CPE: variants seen among roughly 807,000 people sequenced by gnomAD.
CPE encodes carboxypeptidase E.
Under a neutral mutation model 53.5 loss-of-function variants are expected in CPE, and 17 were observed. The ratio of observed to expected loss-of-function variants is 0.32; its 90% confidence interval spans 0.22 to 0.48. The LOEUF (loss-of-function observed/expected upper bound fraction) is 0.48, where lower values mean the gene tolerates loss of function less well. CPE is among the 20% of genes least tolerant of loss of function. CPE has a pLI of 0.99. For synonymous variants in CPE, 226 were observed against 228.8 expected (o/e 0.99, Z 0.11); for missense variants, 524 against 614.7 (o/e 0.85, Z 1.56).
At chr4:165,470,384 T>A (rs1212661624) in intron 3 of CPE, among the ~76,000 whole-genome samples, 1 of 152,144 alleles carries the variant, frequency 6.6e-6, no homozygotes, top group Non-Finnish European at 1.5e-5. Flanking sequence ...TCACAGTGTG[T>A]TTATCGAAGT....
chr4:165,397,682 A>C (rs1459648799), intron 1 of CPE, among the ~76,000 whole-genome samples: 1 of 152,158 alleles, frequency 6.6e-6, no homozygotes, highest in Non-Finnish European at 1.5e-5. Context: ...TCATCAGATA[A>C]AACAGGATTA....
chr4:165,434,732 T>C (rs9999387), intron 1 of CPE, among the ~76,000 whole-genome samples: 90 of 152,234 alleles, frequency 5.9e-4, no homozygotes, highest in African/African-American at 2.1e-3. Flanking sequence ...GCTACCACAA[T>C]ACCTGGTAGT....
At chr4:165,425,713 A>C (rs1283890978) in intron 1 of CPE, among the ~76,000 whole-genome samples, 1 of 152,048 alleles carries the variant, frequency 6.6e-6, no homozygotes, top group East Asian at 1.9e-4. Context: ...TTTTAGAAGT[A>C]GTTCTCAAAT....
intron 1 of CPE, chr4:165,405,950 T>A: frequency 1.4e-6 from 1 of 731,494 alleles, no homozygotes; most frequent in East Asian, 2.6e-5. Context: ...CTTTATGGAC[T>A]TTTCAAGTTT....
At chr4:165,483,503 C>T (rs74474403) in intron 4 of CPE, among the ~76,000 whole-genome samples, 1 of 152,176 alleles carries the variant, frequency 6.6e-6, no homozygotes, top group South Asian at 2.1e-4. Flanking sequence ...TGGATGCATA[C>T]TCAGTAGTGG....
rs1279633095 is a variant in CPE at position 165,498,382 on chromosome 4, A to G, written c.*772A>G. On this transcript the variant is annotated 3_prime_UTR_variant, in exon 9 of 9. Transcript: ENST00000402744. ...GGCATTGTGGTCTTATGATGAAAAC[A>G]TGTATCCTCTTAATGGCGGCTTCTC... 1.3e-5 allele frequency: 2 copies of G among 152,178 alleles called. No homozygotes were observed. The highest frequency in any genetic ancestry group is 4.8e-5 in the African/African-American group (2 of 41,442). 9.4% of individuals were successfully genotyped at this position (152,178 alleles called of 1,614,324 possible).
chr4:165,388,296 T>A (rs761228929), intron 1 of CPE, among the ~76,000 whole-genome samples: 4 of 152,160 alleles, frequency 2.6e-5, no homozygotes, highest in Non-Finnish European at 5.9e-5. Flanking sequence ...TTTCCTTTTC[T>A]TTTTTTAGCC....
chr4:165,446,068 A>T (rs1166708882), intron 1 of CPE, among the ~76,000 whole-genome samples: 1 of 152,188 alleles, frequency 6.6e-6, no homozygotes, highest in Non-Finnish European at 1.5e-5. Context: ...CCACAAATTC[A>T]CACCATGTAT....
chr4:165,421,239 T>C (rs1395142458), intron 1 of CPE, among the ~76,000 whole-genome samples: 1 of 152,100 alleles, frequency 6.6e-6, no homozygotes, highest in Admixed American at 6.5e-5. Context: ...GGATTTGGAG[T>C]CTTCGTTGCT....
chr4:165,484,302 T>G, intron 4 of CPE, 120 bp from the exon 5 acceptor site: 1 of 919,478 alleles, frequency 1.1e-6, no homozygotes, highest in Admixed American at 2.6e-5. Flanking sequence ...TTTCCCATAG[T>G]TATGTAGCTA....
At chr4:165,453,971 C>T (rs940389580) in intron 1 of CPE, among the ~76,000 whole-genome samples, 1 of 111,358 alleles carries the variant, frequency 9.0e-6, no homozygotes. Flanking sequence ...TTCACAAAAG[C>T]TAGAATTTTT....
chr4:165,493,758 A>G (rs1472042377), intron 7 of CPE, among the ~76,000 whole-genome samples: 1 of 152,210 alleles, frequency 6.6e-6, no homozygotes, highest in African/African-American at 2.4e-5. Flanking sequence ...ATAAATCCGC[A>G]GGGATTCAAG....
intron 3 of CPE, among the ~76,000 whole-genome samples, chr4:165,469,316 T>G (rs561264512): frequency 6.6e-6 from 1 of 152,320 alleles, no homozygotes; most frequent in Admixed American, 6.5e-5. Flanking sequence ...GTCCCCTACA[T>G]GTAGTGTCTT....
rs1447773588 is a variant in CPE at position 165,497,696 on chromosome 4, A to C, written c.*86A>C. ...CTTTTTTTTAGATTTTGTGCAGTTAATACTTAACATTGATTTATTTTTTAA... is the reference window on the plus strand; with the variant it reads ...CTTTTTTTTAGATTTTGTGCAGTTACTACTTAACATTGATTTATTTTTTAA... On this transcript the variant is annotated 3_prime_UTR_variant, in exon 9 of 9. Transcript: ENST00000402744. 1.8e-6 allele frequency: 1 copy of C among 552,606 alleles called. No individual in the cohort carries two copies. The highest frequency in any genetic ancestry group is 2.9e-6 in the Non-Finnish European group (1 of 349,084). The allele number at this position is 552,606 out of a possible 1,614,324, so 34.2% of individuals were successfully genotyped here.
intron 1 of CPE, among the ~76,000 whole-genome samples, chr4:165,425,673 C>A (rs1731304690): frequency 7.0e-6 from 1 of 143,592 alleles, no homozygotes; most frequent in Admixed American, 6.9e-5. Flanking sequence ...AAAAAAAAAA[C>A]ACTTAATTCC....
rs1033109708 is a variant in CPE, at chr4:165,385,984, C to T, written c.307+6456C>T. ...TGCTGGGGCTCTTTCTTTATGCTTCCATATTTCTTTGGAGAGCTGTAAAGA... is the reference window on the plus strand; with the variant it reads ...TGCTGGGGCTCTTTCTTTATGCTTCTATATTTCTTTGGAGAGCTGTAAAGA... On this transcript the variant is annotated intron_variant, in intron 1 of 8. Transcript: ENST00000402744. Among the ~76,000 whole-genome samples, 15 of 152,202 alleles carry T rather than the reference C, an allele frequency of 9.9e-5. No individual in the cohort carries two copies. The East Asian group carries it at 2.1e-3, about 22-fold the overall frequency.
At chr4:165,493,480 G>C (rs947962804) in intron 7 of CPE, among the ~76,000 whole-genome samples, 10 of 152,208 alleles carry the variant, frequency 6.6e-5, no homozygotes, top group African/African-American at 2.4e-4. Flanking sequence ...TAGAAATCCG[G>C]GTGCAGCAGA....
intron 3 of CPE, among the ~76,000 whole-genome samples, chr4:165,476,838 A>C (rs1732309446): frequency 6.6e-6 from 1 of 152,100 alleles, no homozygotes; most frequent in South Asian, 2.1e-4. Context: ...TCATGGATAC[A>C]CGTCACTGTC....
chr4:165,431,701 A>G (rs902025186), intron 1 of CPE, among the ~76,000 whole-genome samples: 1 of 152,160 alleles, frequency 6.6e-6, no homozygotes, highest in African/African-American at 2.4e-5. Flanking sequence ...GTACTGAAGA[A>G]CTTTTGGAAC....
Sources: gnomAD v4.1 joint callset for allele counts (sites outside exome capture counted in the v4.1 genomes callset) on GRCh38, gnomAD v4.1.1 for gene constraint, MANE v1.5 for transcripts, NCBI Gene and HGNC (gene_info 2026-07-23, HGNC 2026-07-21) for gene names.